LARP4B: variants seen among roughly 807,000 people sequenced by gnomAD.
The protein encoded by LARP4B is La ribonucleoprotein 4B, also known as la-related protein 4B.
LARP4B carries 12 observed loss-of-function variants against 89.8 expected under a neutral mutation model. That is an observed-to-expected ratio of 0.13 (90% CI 0.09 to 0.22). The LOEUF (loss-of-function observed/expected upper bound fraction) is 0.22, where lower values mean the gene tolerates loss of function less well. Among genes scored for constraint, LARP4B ranks in the 10% least tolerant of loss-of-function variants. The pLI, the probability that LARP4B is intolerant of heterozygous loss-of-function variation, is 1.00. For synonymous variants in LARP4B, 367 were observed against 363.3 expected, an observed-to-expected ratio of 1.01 and a Z score of -0.12; for missense variants, 757 against 947.7, an observed-to-expected ratio of 0.80 and a Z score of 2.64.
chr10:922,788 G>T (rs998370623), intron 1 of LARP4B, among the ~76,000 whole-genome samples: 1 of 152,072 alleles, frequency 6.6e-6, no homozygotes, highest in Non-Finnish European at 1.5e-5. Context: ...ATCATGCTAC[G>T]CAGGCCGGGC....
chr10:932,393 C>T (rs1346750124), upstream of LARP4B, among the ~76,000 whole-genome samples: 3,840 of 76,818 alleles, frequency 0.05, 20 homozygotes, highest in Non-Finnish European at 0.079. Context: ...CTGCCCCGAA[C>T]CCCTCACCCC....
rs35886091 is a variant in LARP4B, at chr10:813,801, CTT to C, written c.1930-590_1930-589del. 4.4e-3 allele frequency among the ~76,000 whole-genome samples: 599 copies of C among 136,222 alleles called. 6 individuals carry two copies. Among genetic ancestry groups the C allele is most frequent in the African/African-American group, 0.013 (492 of 37,754 alleles). The allele number at this position is 136,222 out of a possible 152,430, so 89.4% of individuals were successfully genotyped here. On this transcript the variant is annotated intron_variant, in intron 17 of 17. Transcript: ENST00000316157. The stretch of plus-strand genomic sequence containing the variant: ...AAAAGTAAAATATTTCCCTTAATAA[CTT>C]TTTTTTTTTTTTTTTTGAGACACAG...
the LARP4B span, among the ~76,000 whole-genome samples, chr10:968,246 C>T: frequency 6.6e-6 from 1 of 152,114 alleles, no homozygotes; most frequent in Admixed American, 6.5e-5. Flanking sequence ...TGGAGTGTGG[C>T]GTTGAGCTGA....
At chr10:835,126 A>T (rs546443556) in intron 8 of LARP4B, among the ~76,000 whole-genome samples, 4 of 152,256 alleles carry the variant, frequency 2.6e-5, no homozygotes, top group African/African-American at 9.6e-5. Flanking sequence ...CTATAATCCT[A>T]AGTTGTTTTT....
At chr10:923,024 G>T (rs1004468885) in intron 1 of LARP4B, among the ~76,000 whole-genome samples, 2 of 151,878 alleles carry the variant, frequency 1.3e-5, no homozygotes, top group Non-Finnish European at 2.9e-5. Context: ...CCAGTGAGCG[G>T]AGACTGTGCC....
chr10:870,478 A>T (rs1419218317), intron 3 of LARP4B, among the ~76,000 whole-genome samples: 1 of 152,144 alleles, frequency 6.6e-6, no homozygotes, highest in African/African-American at 2.4e-5. Context: ...CTAGGGTGGG[A>T]TCAACACCAA....
At chr10:842,553 G>A (rs1190189256) in intron 7 of LARP4B, among the ~76,000 whole-genome samples, 1 of 152,160 alleles carries the variant, frequency 6.6e-6, no homozygotes, top group Non-Finnish European at 1.5e-5. Context: ...TAAACAGGAA[G>A]TTGCAATTTG....
intron 3 of LARP4B, among the ~76,000 whole-genome samples, chr10:864,477 T>C (rs920230642): frequency 6.7e-6 from 1 of 150,374 alleles, no homozygotes; most frequent in African/African-American, 2.4e-5. Flanking sequence ...AAGTTTTAAG[T>C]TCCTCCTCCC....
At chr10:910,163 A>G (rs1358205429) in intron 1 of LARP4B, among the ~76,000 whole-genome samples, 4 of 152,234 alleles carry the variant, frequency 2.6e-5, no homozygotes, top group African/African-American at 9.6e-5. Flanking sequence ...ACAGCCAATC[A>G]ATAGCTTATG....
intron 1 of LARP4B, among the ~76,000 whole-genome samples, chr10:886,507 T>C (rs1489913330): frequency 2.0e-5 from 3 of 152,210 alleles, no homozygotes; most frequent in Non-Finnish European, 4.4e-5. Context: ...CCCATGTGGA[T>C]TGCAGCATTA....
At chr10:956,304 G>A in the LARP4B span, among the ~76,000 whole-genome samples, 5 of 151,972 alleles carry the variant, frequency 3.3e-5, no homozygotes, top group East Asian at 7.7e-4. The surrounding 1 kb of genome is among the most constrained non-coding windows in gnomAD (Gnocchi z 4.3). Context: ...GTACACCTGC[G>A]TCTAAGGGGT....
At chr10:924,967 A>G (rs1164720199) in intron 1 of LARP4B, among the ~76,000 whole-genome samples, 2 of 152,226 alleles carry the variant, frequency 1.3e-5, no homozygotes, top group Non-Finnish European at 2.9e-5. Context: ...TTGATCTCAT[A>G]AGAGTTTACA....
At chr10:963,202 T>C in the LARP4B span, among the ~76,000 whole-genome samples, 1 of 152,206 alleles carries the variant, frequency 6.6e-6, no homozygotes, top group African/African-American at 2.4e-5. Context: ...CTGCTATTTT[T>C]AACCATATGT....
chr10:948,954 C>T, the LARP4B span, among the ~76,000 whole-genome samples: 11 of 152,220 alleles, frequency 7.2e-5, no homozygotes, highest in Non-Finnish European at 1.2e-4. Context: ...AAAGCTACTA[C>T]GAACAGCTGT....
chr10:955,729 T>G, the LARP4B span, among the ~76,000 whole-genome samples: 1 of 152,100 alleles, frequency 6.6e-6, no homozygotes, highest in African/African-American at 2.4e-5. This position sits in a 1 kb window ranked among gnomAD's most constrained non-coding sequence, Gnocchi z 5.2. Context: ...TAAGTTGAGT[T>G]GTAGCAGGAA....
At position 831,127 on chromosome 10, in the gene LARP4B, G is replaced by T; in HGVS notation, c.751-150C>A. The T allele has an allele frequency of 1.5e-5, 7 of 481,014 alleles. No homozygotes were observed. The South Asian group carries it at 1.9e-4, about 13-fold the overall frequency. The allele number at this position is 481,014 out of a possible 1,614,324, so 29.8% of individuals were successfully genotyped here. ...AGTAAATCTCTCTTCCAAAAAGGAT[G>T]AGGGTTCAGCAGGGCTTCCAGAATC... On this transcript the variant is annotated intron_variant, in intron 8 of 17. Coordinates refer to ENST00000316157, the MANE Select transcript of LARP4B (RefSeq NM_015155.3).
chr10:897,644 T>C (rs1337902062), intron 1 of LARP4B, among the ~76,000 whole-genome samples: 1 of 152,082 alleles, frequency 6.6e-6, no homozygotes, highest in Non-Finnish European at 1.5e-5. Flanking sequence ...ATCTAGAATA[T>C]ATAAACAATT....
intron 14 of LARP4B, chr10:819,857 T>C (rs553388179): frequency 1.3e-5 from 2 of 152,404 alleles, no homozygotes; most frequent in Admixed American, 1.3e-4. Flanking sequence ...ACCTGTGTGA[T>C]GGCTTGAGGG....
rs200192150 is a variant in LARP4B, at chr10:904,332, T to C, written c.-39-18572A>G. Among the ~76,000 whole-genome samples the C allele has an allele frequency of 1.7e-4, 26 of 152,156 alleles. No homozygotes were observed. The East Asian group carries it at 4.6e-3, about 27-fold the overall frequency. On this transcript the variant is annotated intron_variant, in intron 1 of 17. Transcript: ENST00000316157. ...ACTTTGGGAGGCCAAGAAAGGGAGA[T>C]CACTTGAGCTCAGGAGTTTGAGACC...
Sources: allele counts gnomAD v4.1 joint callset (sites outside exome capture counted in the v4.1 genomes callset), GRCh38; gene constraint gnomAD v4.1.1; non-coding constraint Gnocchi (gnomAD v3.1); transcripts MANE v1.5; gene names NCBI Gene and HGNC (gene_info 2026-07-23, HGNC 2026-07-21).